The following RBFOX1 variants were observed in gnomAD, a reference collection of about 807,000 sequenced individuals.
The protein encoded by RBFOX1 is RNA binding fox-1 homolog 1, also known as RNA binding protein fox-1 homolog 1.
A neutral mutation model predicts 57.7 loss-of-function variants in RBFOX1; 8 were observed. The ratio of observed to expected loss-of-function variants is 0.14; its 90% CI spans 0.08 to 0.25. RBFOX1 has a LOEUF of 0.25. Among genes scored for constraint, RBFOX1 ranks in the 10% least tolerant of loss-of-function variants. The pLI, the probability that RBFOX1 is intolerant of heterozygous loss-of-function variation, is 1.00. For missense variants in RBFOX1, 611 were observed against 548.5 expected, an observed-to-expected ratio of 1.11 and a Z score of -1.14; for synonymous variants, 326 against 222.4, an observed-to-expected ratio of 1.47 and a Z score of -4.15.
At chr16:7,598,798 C>G (rs1413135215) in intron 9 of RBFOX1, among the ~76,000 whole-genome samples, 1 of 152,092 alleles carries the variant, frequency 6.6e-6, no homozygotes, top group Non-Finnish European at 1.5e-5. Flanking sequence ...TAGACTAATT[C>G]ATTTCAGTGG....
At chr16:5,681,604 G>T (rs1485333359) in intron 3 of RBFOX1, among the ~76,000 whole-genome samples, 3 of 151,282 alleles carry the variant, frequency 2.0e-5, no homozygotes, top group African/African-American at 7.3e-5. Flanking sequence ...TGTTGGTCAG[G>T]CTGGACTCGA....
chr16:7,180,704 T>A (rs1233163907), intron 4 of RBFOX1, among the ~76,000 whole-genome samples: 4 of 90,484 alleles, frequency 4.4e-5, no homozygotes, highest in Non-Finnish European at 6.9e-5. Flanking sequence ...CTACTGTAAG[T>A]TATTATGATG....
intron 3 of RBFOX1, among the ~76,000 whole-genome samples, chr16:5,839,789 G>T (rs9935169): frequency 6.6e-6 from 1 of 151,994 alleles, no homozygotes; most frequent in East Asian, 1.9e-4. Flanking sequence ...GATGAATGCG[G>T]TTTTCTTTTC....
chr16:5,325,183 C>G (rs971821741), intron 1 of RBFOX1, among the ~76,000 whole-genome samples: 1 of 152,160 alleles, frequency 6.6e-6, no homozygotes, highest in African/African-American at 2.4e-5. Context: ...CTTGGCCCTT[C>G]TTCTCTTCCT....
chr16:5,376,335 C>G (rs1324709410), intron 1 of RBFOX1, among the ~76,000 whole-genome samples: 1 of 152,022 alleles, frequency 6.6e-6, no homozygotes, highest in Non-Finnish European at 1.5e-5. Context: ...GCTGTTATTC[C>G]TGCAGGTGGT....
At chr16:6,954,820 T>G (rs755985787) in intron 3 of RBFOX1, among the ~76,000 whole-genome samples, 2 of 152,136 alleles carry the variant, frequency 1.3e-5, no homozygotes, top group Non-Finnish European at 2.9e-5. Context: ...CGAACCTCAT[T>G]TCTGTGGATT....
At chr16:7,136,518 A>G (rs1175664211) in intron 4 of RBFOX1, among the ~76,000 whole-genome samples, 1 of 149,248 alleles carries the variant, frequency 6.7e-6, no homozygotes, top group African/African-American at 2.5e-5. Context: ...GTGATTTTCT[A>G]ACCTCATCCG....
chr16:7,457,898 G>C (rs544355640), intron 4 of RBFOX1, among the ~76,000 whole-genome samples: 1 of 152,186 alleles, frequency 6.6e-6, no homozygotes, highest in East Asian at 1.9e-4. Flanking sequence ...CTAATGTCCA[G>C]TTAACGTATA....
rs542886536 is a variant in RBFOX1, at chr16:7,702,856, T to G, written c.996-6200T>G. Among the ~76,000 whole-genome samples the G allele has an allele frequency of 5.3e-5, 8 of 152,050 alleles. No individual in the cohort carries two copies. In the South Asian group the frequency reaches 1.7e-3, roughly 32 times the overall value. ...CTTCAACACATCATTTATTTTTCAT[T>G]TGGAAAAGTCCTCAAACCCCAAAAA... On this transcript the variant is annotated intron_variant, in intron 14 of 15. Coordinates refer to ENST00000550418, the MANE Select transcript of RBFOX1 (RefSeq NM_018723.4).
At position 7,011,537 on chromosome 16, in the gene RBFOX1, G is replaced by A. The variant is rs541169735; in HGVS notation, c.-15-40520G>A. 8.5e-5 allele frequency among the ~76,000 whole-genome samples: 13 copies of A among 152,198 alleles called. No individual in the cohort carries two copies. In the South Asian group the frequency reaches 2.1e-3, roughly 24 times the overall value. ...TTTTGTTTTGTTTGTTTTTTGAGACGAAGTCTTGCTTTGTCGCACAGGCTG... is the reference window on the plus strand; with the variant it reads ...TTTTGTTTTGTTTGTTTTTTGAGACAAAGTCTTGCTTTGTCGCACAGGCTG... On this transcript the variant is annotated intron_variant, in intron 3 of 15. Coordinates refer to ENST00000550418, the MANE Select transcript of RBFOX1 (RefSeq NM_018723.4).
chr16:7,474,527 G>A (rs1029838466), intron 4 of RBFOX1, among the ~76,000 whole-genome samples: 3 of 152,106 alleles, frequency 2.0e-5, no homozygotes, highest in Non-Finnish European at 4.4e-5. Flanking sequence ...TATTTAGGTT[G>A]GTGCAAAAGC....
intron 4 of RBFOX1, among the ~76,000 whole-genome samples, chr16:7,059,789 G>A (rs762977996): frequency 1.3e-5 from 2 of 152,034 alleles, no homozygotes; most frequent in Non-Finnish European, 2.9e-5. Context: ...AGAGTCAGTT[G>A]TATTTGTTCC....
intron 4 of RBFOX1, among the ~76,000 whole-genome samples, chr16:5,893,800 C>T (rs1382149757): frequency 2.2e-5 from 3 of 137,030 alleles, no homozygotes; most frequent in South Asian, 4.5e-4. Context: ...AGCAAGACTC[C>T]ACCTCAAAAA....
intron 3 of RBFOX1, among the ~76,000 whole-genome samples, chr16:7,041,871 A>G (rs913635575): frequency 2.6e-5 from 4 of 152,174 alleles, no homozygotes; most frequent in Non-Finnish European, 5.9e-5. Context: ...TAATTCTTAT[A>G]GATTATGCTC....
chr16:5,261,899 TGTC>T (rs1322835581), intron 1 of RBFOX1, among the ~76,000 whole-genome samples: 1 of 152,202 alleles, frequency 6.6e-6, no homozygotes, highest in Non-Finnish European at 1.5e-5. Context: ...TCTTGCATCT[TGTC>T]TTCTTCTCTC....
chr16:5,713,946 G>A (rs2051589813), intron 3 of RBFOX1, among the ~76,000 whole-genome samples: 1 of 152,184 alleles, frequency 6.6e-6, no homozygotes, highest in Non-Finnish European at 1.5e-5. Flanking sequence ...CGTGGGAGAT[G>A]TTCTAACAGA....
chr16:5,978,666 G>GTTTTTTTTTTTTTTTTTTTTTTTTTTT (rs921389592), intron 4 of RBFOX1, among the ~76,000 whole-genome samples: 1 of 140,438 alleles, frequency 7.1e-6, no homozygotes, highest in African/African-American at 2.7e-5. Flanking sequence ...TGTTTTTTTT[G>GTTTTTTTTTTTTTTTTTTTTTTTTTTT]TTTTTTTGTT....
At chr16:7,346,275 G>GAC (rs910415824) in intron 4 of RBFOX1, among the ~76,000 whole-genome samples, 27 of 152,010 alleles carry the variant, frequency 1.8e-4, no homozygotes, top group African/African-American at 6.0e-4. Flanking sequence ...GGCCACATGG[G>GAC]ACACACACAC....
chr16:5,841,117 T>C (rs1414739039), intron 3 of RBFOX1, among the ~76,000 whole-genome samples: 3 of 152,296 alleles, frequency 2.0e-5, no homozygotes, highest in Admixed American at 2.0e-4. Flanking sequence ...GATTGAGTGA[T>C]TTCCTGGCAT....
Sources: gnomAD v4.1 joint callset for allele counts (sites outside exome capture counted in the v4.1 genomes callset) on GRCh38, gnomAD v4.1.1 for gene constraint, MANE v1.5 for transcripts, NCBI Gene and HGNC (gene_info 2026-07-23, HGNC 2026-07-21) for gene names.